Variants in HSPBP1 observed in about 807,000 individuals in gnomAD.
The protein encoded by HSPBP1 is hsp70-binding protein 1.
A neutral mutation model predicts 41.7 loss-of-function variants in HSPBP1; 31 were observed. The ratio of observed to expected loss-of-function variants is 0.74; its 90% CI spans 0.56 to 1.00. The LOEUF (loss-of-function observed/expected upper bound fraction) is 1.00, where lower values mean the gene tolerates loss of function less well. Among genes scored for constraint, HSPBP1 ranks in the 50% least tolerant of loss-of-function variants. The probability of loss-of-function intolerance (pLI) is 0.00; values close to 1 mark genes in which losing one functional copy is unlikely to be tolerated. For missense variants in HSPBP1, 439 were observed against 487.9 expected, an observed-to-expected ratio of 0.90 and a Z score of 0.94; for synonymous variants, 199 against 214.4, an observed-to-expected ratio of 0.93 and a Z score of 0.63.
At chr19:55,275,791 T>G (rs1027518007) in intron 3 of HSPBP1, among the ~76,000 whole-genome samples, 32 of 150,166 alleles carry the variant, frequency 2.1e-4, no homozygotes, top group Non-Finnish European at 3.4e-4. Flanking sequence ...CTACTAAAAA[T>G]ACAAAAATTA....
At chr19:55,263,189 T>A (rs987359812) in intron 7 of HSPBP1, among the ~76,000 whole-genome samples, 5 of 152,150 alleles carry the variant, frequency 3.3e-5, no homozygotes, top group African/African-American at 7.2e-5. Flanking sequence ...AATAAATAGA[T>A]AAGTGGGCAA....
In HSPBP1 at chr19:55,279,685, G is replaced by T; in HGVS notation, c.-77C>A. 1.3e-6 allele frequency: 2 copies of T among 1,541,532 alleles called. No homozygotes were observed. Among genetic ancestry groups the T allele is most frequent in the Non-Finnish European group, 1.7e-6 (2 of 1,146,672 alleles). ...GCTGAAGCAGCTCTGGCGTCCTGATGGGTCGATTCTTGAGGGTCTGCTGAG... is the reference window on the plus strand; with the variant it reads ...GCTGAAGCAGCTCTGGCGTCCTGATTGGTCGATTCTTGAGGGTCTGCTGAG... On this transcript the variant is annotated 5_prime_UTR_variant, in exon 2 of 8. Coordinates refer to ENST00000433386, the MANE Select transcript of HSPBP1 (RefSeq NM_012267.5).
chr19:55,273,321 G>T (rs1006553041), intron 4 of HSPBP1, among the ~76,000 whole-genome samples: 2 of 152,200 alleles, frequency 1.3e-5, no homozygotes, highest in African/African-American at 4.8e-5. Context: ...TTAAAAGGAT[G>T]AATTGTATGG....
intron 6 of HSPBP1, among the ~76,000 whole-genome samples, 168 bp from the exon 7 acceptor site, chr19:55,265,557 C>T (rs893013572): frequency 1.3e-5 from 2 of 152,070 alleles, no homozygotes; most frequent in Non-Finnish European, 2.9e-5. Context: ...TGCCCCTGGC[C>T]CAGGGTGGGT....
chr19:55,276,466 C>G (rs2088074808), intron 3 of HSPBP1, among the ~76,000 whole-genome samples: 1 of 152,124 alleles, frequency 6.6e-6, no homozygotes, highest in Admixed American at 6.6e-5. Context: ...AGAAGATACA[C>G]ATATATATTT....
At chr19:55,280,126 A>C (rs1357333424), upstream of HSPBP1, 1 of 205,584 alleles carries the variant, frequency 4.9e-6, no homozygotes, top group African/African-American at 2.4e-5. Flanking sequence ...GGAAATACGC[A>C]CGGTTTCACC....
rs1163586346 is a variant in HSPBP1 at position 55,266,294 on chromosome 19, A to G, written c.641-8T>C. 6.4e-7 allele frequency: 1 copy of G among 1,565,854 alleles called. No individual in the cohort carries two copies. The highest frequency in any genetic ancestry group is 8.7e-7 in the Non-Finnish European group (1 of 1,155,380). On this transcript the variant is annotated splice_region_variant and splice_polypyrimidine_tract_variant and intron_variant, in intron 4 of 7. Coordinates refer to ENST00000433386, the MANE Select transcript of HSPBP1 (RefSeq NM_012267.5). ...CCTGCTCTCGGACCAGACCTGGGAGAGGGGGAAAGGTCCTGAGCTTGCAGT... is the reference window on the plus strand; with the variant it reads ...CCTGCTCTCGGACCAGACCTGGGAGGGGGGGAAAGGTCCTGAGCTTGCAGT...
rs1247122084 is a variant in HSPBP1 at position 55,270,768 on chromosome 19, A to T, written c.640+3630T>A. ...CACACATCCCACACACGCCATGCACATCCACACACCACACATACGCACCAC... is the reference window on the plus strand; with the variant it reads ...CACACATCCCACACACGCCATGCACTTCCACACACCACACATACGCACCAC... On this transcript the variant is annotated intron_variant, in intron 4 of 7. Coordinates refer to ENST00000433386, the MANE Select transcript of HSPBP1 (RefSeq NM_012267.5). This position sits in a 1 kb window ranked among gnomAD's most constrained non-coding sequence, Gnocchi z 5.4. Among the ~76,000 whole-genome samples, 1 of 151,406 alleles carries T rather than the reference A, an allele frequency of 6.6e-6. No homozygotes were observed. The highest frequency in any genetic ancestry group is 2.4e-5 in the African/African-American group (1 of 41,142).
At chr19:55,274,703 G>A in intron 3 of HSPBP1, 81 bp from the exon 4 acceptor site, 1 of 1,159,150 alleles carries the variant, frequency 8.6e-7, no homozygotes, top group South Asian at 1.4e-5. Flanking sequence ...TTGATGTTCT[G>A]ACCCCCAGTA....
Position 55,270,953 on chromosome 19 carries a change from G to A in HSPBP1, c.640+3445C>T, listed in dbSNP as rs545878768. On this transcript the variant is annotated intron_variant, in intron 4 of 7. Coordinates refer to ENST00000433386, the MANE Select transcript of HSPBP1 (RefSeq NM_012267.5). The surrounding 1 kb of genome is among the most constrained non-coding windows in gnomAD (Gnocchi z 5.4). ...CCATGTACACGCTACACTAACACAC[G>A]ACACGCCAAACACCCCACATACACA... 6.8e-6 allele frequency among the ~76,000 whole-genome samples: 1 copy of A among 146,862 alleles called. No individual in the cohort carries two copies. The highest frequency in any genetic ancestry group is 2.5e-5 in the African/African-American group (1 of 39,412).
Position 55,262,519 on chromosome 19 carries a change from G to A in HSPBP1, c.*89C>T. ...CCCTGGGTCCAGGCACCTAGGCCCT[G>A]CGATCCCTTGGGAGAGGGCCTTGTA... On this transcript the variant is annotated 3_prime_UTR_variant, in exon 8 of 8. Coordinates refer to ENST00000433386, the MANE Select transcript of HSPBP1 (RefSeq NM_012267.5). 1.9e-6 allele frequency: 3 copies of A among 1,561,856 alleles called. No individual in the cohort carries two copies. The highest frequency in any genetic ancestry group is 2.6e-6 in the Non-Finnish European group (3 of 1,153,138).
intron 7 of HSPBP1, among the ~76,000 whole-genome samples, chr19:55,264,697 GAT>G (rs2087726656): frequency 6.6e-6 from 1 of 152,108 alleles, no homozygotes; most frequent in Admixed American, 6.5e-5. Context: ...GGGTAATTTA[GAT>G]AATAATTCAA....
In HSPBP1 at chr19:55,266,239, C is replaced by T. The variant is rs1395993205; in HGVS notation, c.688G>A (p.Asp230Asn). Residue 230 changes from aspartate (D) to asparagine (N), a missense_variant, in exon 5 of 8, where the codon GAC (aspartate) becomes AAC (asparagine). Transcript: ENST00000433386. The part of the protein sequence containing the change: ...EAGLLQFLRL[D>N]GFSVLMRAMQ... ...GCCCTCATCAACACAGAGAAGCCGT[C>T]CAGGCGGAGGAACTGCAGCAGCCCA... 1 of 1,583,830 alleles carries T rather than the reference C, an allele frequency of 6.3e-7. No individual in the cohort carries two copies.
intron 4 of HSPBP1, among the ~76,000 whole-genome samples, chr19:55,267,121 CT>C (rs2087808195): frequency 6.6e-6 from 1 of 152,060 alleles, no homozygotes; most frequent in Non-Finnish European, 1.5e-5. Flanking sequence ...GAAGCATCAT[CT>C]TTTTTAATTT....
intron 3 of HSPBP1, 149 bp downstream of exon 3, chr19:55,277,493 T>TG (rs11400580): frequency 0.5 from 382,615 of 767,722 alleles, 100,300 homozygotes; most frequent in East Asian, 0.87. Flanking sequence ...GGCAGAGCCT[T>TG]GCTCCTTATG....
At chr19:55,274,332 G>C (rs1600148087) in intron 4 of HSPBP1, 66 bp downstream of exon 4, 2 of 1,103,656 alleles carry the variant, frequency 1.8e-6, no homozygotes, top group Non-Finnish European at 2.6e-6. Context: ...AGCAGATCCC[G>C]GGGGCCCACC....
At position 55,279,689 on chromosome 19, in the gene HSPBP1, C is replaced by A. The variant is rs1376731243; in HGVS notation, c.-81G>T. ...AAGCAGCTCTGGCGTCCTGATGGGTCGATTCTTGAGGGTCTGCTGAGAAGG... is the reference window on the plus strand; with the variant it reads ...AAGCAGCTCTGGCGTCCTGATGGGTAGATTCTTGAGGGTCTGCTGAGAAGG... On this transcript the variant is annotated 5_prime_UTR_variant, in exon 2 of 8. Coordinates refer to ENST00000433386, the MANE Select transcript of HSPBP1 (RefSeq NM_012267.5). 1 of 1,540,648 alleles carries A rather than the reference C, an allele frequency of 6.5e-7. No individual in the cohort carries two copies. The highest frequency in any genetic ancestry group is 2.0e-5 in the Admixed American group (1 of 50,964).
chr19:55,273,387 T>C (rs1294600542), intron 4 of HSPBP1, among the ~76,000 whole-genome samples: 2 of 152,092 alleles, frequency 1.3e-5, no homozygotes, highest in Non-Finnish European at 2.9e-5. Flanking sequence ...AAGAGTCCAG[T>C]TGGGGCGCTA....
intron 7 of HSPBP1, among the ~76,000 whole-genome samples, chr19:55,263,324 C>T (rs1421648073): frequency 6.6e-6 from 1 of 152,170 alleles, no homozygotes; most frequent in African/African-American, 2.4e-5. Context: ...AATGGTTCAT[C>T]GAGGCCACTT....
Sources: gnomAD v4.1 joint callset for allele counts (sites outside exome capture counted in the v4.1 genomes callset) on GRCh38, gnomAD v4.1.1 for gene constraint, Gnocchi (gnomAD v3.1) non-coding constraint, MANE v1.5 for transcripts, NCBI Gene and HGNC (gene_info 2026-07-23, HGNC 2026-07-21) for gene names.